COL25A1: variants seen among roughly 807,000 people sequenced by gnomAD.
COL25A1 encodes the protein collagen alpha-1(XXV) chain.
COL25A1 carries 103 observed loss-of-function variants against 128.4 expected under a neutral mutation model. That is an observed-to-expected ratio of 0.80 (90% CI 0.68 to 0.94). The LOEUF (loss-of-function observed/expected upper bound fraction) is 0.94, where lower values mean the gene tolerates loss of function less well. Ranked by LOEUF, COL25A1 falls within the 40% of genes least tolerant of loss-of-function variation. The pLI, the probability that COL25A1 is intolerant of heterozygous loss-of-function variation, is 0.00. For synonymous variants in COL25A1, 279 were observed against 277.2 expected, an observed-to-expected ratio of 1.01 and a Z score of -0.06; for missense variants, 745 against 840.0, an observed-to-expected ratio of 0.89 and a Z score of 1.40.
chr4:109,139,034 C>T (rs1241516444), intron 3 of COL25A1, among the ~76,000 whole-genome samples: 2 of 152,134 alleles, frequency 1.3e-5, no homozygotes, highest in Non-Finnish European at 2.9e-5. Context: ...GATGGTATCT[C>T]ATTGTGGTTT....
At chr4:109,034,923 T>C (rs190330014) in intron 5 of COL25A1, among the ~76,000 whole-genome samples, 2 of 152,332 alleles carry the variant, frequency 1.3e-5, no homozygotes, top group Non-Finnish European at 2.9e-5. Context: ...AAGACACATA[T>C]TCATATTACT....
chr4:108,940,786 G>A (rs1343963717), intron 9 of COL25A1, 140 bp from the exon 10 acceptor site: 2 of 589,996 alleles, frequency 3.4e-6, no homozygotes, highest in Admixed American at 3.5e-5. Flanking sequence ...TATAAAGCCT[G>A]TAGGCAATTT....
At chr4:108,923,609 G>T (rs1196228453) in intron 11 of COL25A1, among the ~76,000 whole-genome samples, 1 of 152,236 alleles carries the variant, frequency 6.6e-6, no homozygotes, top group Non-Finnish European at 1.5e-5. Flanking sequence ...GCATCCCAAA[G>T]TGCTGGGATT....
At chr4:108,821,341 G>A (rs573734992) in intron 35 of COL25A1, among the ~76,000 whole-genome samples, 4 of 152,334 alleles carry the variant, frequency 2.6e-5, no homozygotes, top group Admixed American at 6.5e-5. Flanking sequence ...TGAAATGAGA[G>A]CAGTTGTGAT....
At chr4:109,171,008 C>T (rs1366083831) in intron 3 of COL25A1, among the ~76,000 whole-genome samples, 1 of 152,126 alleles carries the variant, frequency 6.6e-6, no homozygotes, top group Non-Finnish European at 1.5e-5. Flanking sequence ...TTATCTTTTT[C>T]ACTTCTATAT....
chr4:109,240,631 T>A (rs1327737680), intron 3 of COL25A1, among the ~76,000 whole-genome samples: 1 of 152,062 alleles, frequency 6.6e-6, no homozygotes, highest in African/African-American at 2.4e-5. Flanking sequence ...TTTCTTGCAG[T>A]ATGTTAGTAT....
intron 6 of COL25A1, among the ~76,000 whole-genome samples, chr4:108,995,838 T>C (rs1754719911): frequency 1.3e-5 from 2 of 152,130 alleles, no homozygotes; most frequent in South Asian, 2.1e-4. Context: ...AAAAGAATTT[T>C]CAACCCAGAA....
rs528732488 is a variant in COL25A1 at position 108,926,403 on chromosome 4, A to T, written c.709-5799T>A. 2.6e-4 allele frequency among the ~76,000 whole-genome samples: 40 copies of T among 152,316 alleles called. No homozygotes were observed. The South Asian group carries it at 8.3e-3, about 32-fold the overall frequency. ...ACAAAAAAGAGGTGGTCCATCTGTG[A>T]AGGGGAGGATAAAAGCCCAAAACTA... On this transcript the variant is annotated intron_variant, in intron 11 of 37. Transcript: ENST00000399132.
chr4:108,933,878 A>ACACT (rs1553972060), intron 11 of COL25A1, among the ~76,000 whole-genome samples: 2 of 150,960 alleles, frequency 1.3e-5, no homozygotes, highest in Non-Finnish European at 3.0e-5. Flanking sequence ...ACACACACAC[A>ACACT]ATGTGTGAAA....
At position 109,083,702 on chromosome 4, in the gene COL25A1, A is replaced by T. The variant is rs3096496; in HGVS notation, c.368-33523T>A. ...TGGTCTCGAACTCCTGACCTTAGGT[A>T]ATCCGCCCGCCTCAGCATCCCAAAA... On this transcript the variant is annotated intron_variant, in intron 3 of 37. Coordinates refer to ENST00000399132, the MANE Select transcript of COL25A1 (RefSeq NM_198721.4). Among the ~76,000 whole-genome samples, 82 of 151,886 alleles carry T rather than the reference A, an allele frequency of 5.4e-4. 1 individual carries two copies. Among genetic ancestry groups the T allele is most frequent in the African/African-American group, 1.9e-3 (79 of 41,474 alleles).
chr4:109,258,112 A>T (rs1017264025), intron 3 of COL25A1, among the ~76,000 whole-genome samples: 1 of 152,072 alleles, frequency 6.6e-6, no homozygotes, highest in African/African-American at 2.4e-5. Flanking sequence ...GCTCCCACCC[A>T]ATCTCAGACT....
At chr4:109,043,936 T>C (rs914456011) in intron 5 of COL25A1, among the ~76,000 whole-genome samples, 1 of 152,124 alleles carries the variant, frequency 6.6e-6, no homozygotes, top group Non-Finnish European at 1.5e-5. Context: ...TCAAAGCACA[T>C]GCACAGAGTC....
intron 9 of COL25A1, among the ~76,000 whole-genome samples, chr4:108,941,111 T>C (rs567169001): frequency 6.6e-6 from 1 of 152,336 alleles, no homozygotes; most frequent in Admixed American, 6.5e-5. Context: ...AGAAACTGGA[T>C]CTGTTAGTAG....
chr4:109,257,681 A>G (rs533315612), intron 3 of COL25A1, among the ~76,000 whole-genome samples: 1 of 152,324 alleles, frequency 6.6e-6, no homozygotes, highest in African/African-American at 2.4e-5. Flanking sequence ...AGCATGCTGT[A>G]GTTGGAATTC....
At chr4:108,867,571 G>C (rs1457165071) in intron 20 of COL25A1, among the ~76,000 whole-genome samples, 2 of 152,136 alleles carry the variant, frequency 1.3e-5, no homozygotes, top group African/African-American at 2.4e-5. Context: ...GACACACATA[G>C]TTTCCATTTA....
intron 3 of COL25A1, among the ~76,000 whole-genome samples, chr4:109,146,164 A>AT (rs749689232): frequency 2.6e-5 from 4 of 152,168 alleles, no homozygotes; most frequent in Admixed American, 1.3e-4. Context: ...GGTTTTGAGG[A>AT]TTTTTTTAAA....
At chr4:109,071,123 A>AGCC (rs1296975805) in intron 3 of COL25A1, among the ~76,000 whole-genome samples, 2 of 152,142 alleles carry the variant, frequency 1.3e-5, no homozygotes, top group Non-Finnish European at 2.9e-5. Context: ...AACAGAACAG[A>AGCC]GCCCTCAGAA....
chr4:109,259,767 G>A (rs137887065), intron 3 of COL25A1, among the ~76,000 whole-genome samples: 1 of 152,268 alleles, frequency 6.6e-6, no homozygotes, highest in East Asian at 1.9e-4. Context: ...TGATGTGTGT[G>A]CAGGCAGATA....
At chr4:108,996,291 A>AC (rs1395818207) in intron 6 of COL25A1, among the ~76,000 whole-genome samples, 4 of 7,616 alleles carry the variant, frequency 5.3e-4, no homozygotes, top group African/African-American at 7.9e-4. Flanking sequence ...GCAAATGGGA[A>AC]AAAAAAAAAA....
Sources: gnomAD v4.1 joint callset for allele counts (sites outside exome capture counted in the v4.1 genomes callset) on GRCh38, gnomAD v4.1.1 for gene constraint, MANE v1.5 for transcripts, NCBI Gene and HGNC (gene_info 2026-07-23, HGNC 2026-07-21) for gene names.